Variants in CACNA2D4 observed in about 807,000 individuals in gnomAD.
CACNA2D4 encodes the protein calcium voltage-gated channel auxiliary subunit alpha2delta 4.
A neutral mutation model predicts 163.8 loss-of-function variants in CACNA2D4; 157 were observed. The observed-to-expected ratio is 0.96, with a 90% CI of 0.84 to 1.09. The LOEUF (loss-of-function observed/expected upper bound fraction) is 1.09. Ranked by LOEUF, CACNA2D4 falls within the 50% of genes least tolerant of loss-of-function variation. The pLI, the probability that CACNA2D4 is intolerant of heterozygous loss-of-function variation, is 0.00. For synonymous variants in CACNA2D4, 598 were observed against 586.9 expected, an observed-to-expected ratio of 1.02 and a Z score of -0.27; for missense variants, 1,410 against 1,479.9, an observed-to-expected ratio of 0.95 and a Z score of 0.78.
intron 18 of CACNA2D4, among the ~76,000 whole-genome samples, chr12:1,864,042 C>A (rs747983406): frequency 2.6e-5 from 4 of 152,254 alleles, no homozygotes; most frequent in African/African-American, 9.6e-5. Context: ...GGGCCCATCC[C>A]GTCCAAAGAC....
chr12:1,828,225 C>G lies in CACNA2D4; in HGVS notation c.2551+12514G>C, dbSNP rs369739030. ...TGGAGGCAAGTCTCCTGTGAGTACACCCCTGGCCTCGGAGGGGGGTGCGGG... is the reference window on the plus strand; with the variant it reads ...TGGAGGCAAGTCTCCTGTGAGTACAGCCCTGGCCTCGGAGGGGGGTGCGGG... On this transcript the variant is annotated intron_variant, in intron 26 of 37. Coordinates refer to ENST00000382722, the MANE Select transcript of CACNA2D4 (RefSeq NM_172364.5). This position sits in a 1 kb window ranked among gnomAD's most constrained non-coding sequence, Gnocchi z 4.2. The G allele has an allele frequency of 1.9e-4, 286 of 1,537,734 alleles. 3 individuals are homozygous for G. The East Asian group carries it at 6.7e-3, about 36-fold the overall frequency.
chr12:1,903,983 CA>C (rs2154451567), intron 6 of CACNA2D4, among the ~76,000 whole-genome samples: 1 of 152,084 alleles, frequency 6.6e-6, no homozygotes, highest in African/African-American at 2.4e-5. Context: ...TGTCCATCAA[CA>C]TTAGAAGAAT....
chr12:1,820,706 G>A lies in CACNA2D4; in HGVS notation c.2552-8983C>T, dbSNP rs1159199769. The A allele has an allele frequency of 2.0e-5, 3 of 152,488 alleles. No individual in the cohort carries two copies. Among genetic ancestry groups the A allele is most frequent in the Admixed American group, 2.0e-4 (3 of 15,314 alleles). The allele number at this position is 152,488 out of a possible 1,614,324, so 9.4% of individuals were successfully genotyped here. A position where few individuals can be genotyped will look rare whatever the true frequency, so the allele number is the denominator to read the frequency against. On this transcript the variant is annotated intron_variant, in intron 26 of 37. Transcript: ENST00000382722. The surrounding 1 kb of genome is among the most constrained non-coding windows in gnomAD (Gnocchi z 6.0). ...GGAGACTCTGGCACCAGTGCCCACT[G>A]CGCTCTGCCTGCCGGTGGTGTCTGG...
intron 26 of CACNA2D4, among the ~76,000 whole-genome samples, chr12:1,830,725 A>G (rs533120810): frequency 5.3e-5 from 8 of 152,344 alleles, no homozygotes; most frequent in Non-Finnish European, 8.8e-5. Context: ...GGCGCCCTGC[A>G]GACACTGTGT....
intron 7 of CACNA2D4, 39 bp downstream of exon 7, chr12:1,886,970 A>T: frequency 6.7e-7 from 1 of 1,497,782 alleles, no homozygotes; most frequent in Non-Finnish European, 9.2e-7. Flanking sequence ...CTATGAGATA[A>T]ATACCCGGGC....
At chr12:1,871,448 G>C (rs1288212801) in intron 18 of CACNA2D4, among the ~76,000 whole-genome samples, 1 of 147,186 alleles carries the variant, frequency 6.8e-6, no homozygotes, top group African/African-American at 2.5e-5. Flanking sequence ...CCTGTATGTT[G>C]CTGGTGTGTG....
chr12:1,881,196 A>G (rs1865987954), intron 13 of CACNA2D4, among the ~76,000 whole-genome samples: 1 of 152,220 alleles, frequency 6.6e-6, no homozygotes, highest in South Asian at 2.1e-4. Context: ...ACTGAGGGAC[A>G]GGTGTAAAAG....
chr12:1,792,607 G>A lies in CACNA2D4; in HGVS notation c.*1048C>T, dbSNP rs1863006488. Reference sequence around the variant, plus strand: ...GAGACTGTTGTCTCCTGGGATCCAGGTCTTGGGGTTTGGTCGGGGGAGGAA... The same window carrying A: ...GAGACTGTTGTCTCCTGGGATCCAGATCTTGGGGTTTGGTCGGGGGAGGAA... On this transcript the variant is annotated 3_prime_UTR_variant, in exon 38 of 38. Transcript: ENST00000382722. The A allele has an allele frequency of 6.6e-6, 1 of 152,154 alleles. No individual in the cohort carries two copies. Among genetic ancestry groups the A allele is most frequent in the Non-Finnish European group, 1.5e-5 (1 of 68,078 alleles). 9.4% of individuals were successfully genotyped at this position (152,154 alleles called of 1,614,324 possible).
At chr12:1,860,981 C>T (rs554900560) in intron 18 of CACNA2D4, among the ~76,000 whole-genome samples, 23 of 152,308 alleles carry the variant, frequency 1.5e-4, no homozygotes, top group African/African-American at 5.3e-4. Context: ...GGATTGTCCA[C>T]GGCCTCTCTT....
rs868439220 is a variant in CACNA2D4 at position 1,907,483 on chromosome 12, C to T, written c.738G>A (p.Trp246Ter). ...ENFQRDPTLTWQYFGSATGFF... is the reference protein window; with the variant it reads ...ENFQRDPTLT ...ATCCAGTTGCACTGCCAAAATATTG[C>T]CAGGTCAACGTTGGGTCTCTCTGGA... is the stretch of plus-strand genomic sequence containing the variant. The change falls in exon 6 of 38, where the codon TGG becomes TGA. Residue 246 changes from tryptophan (W) to a stop codon, truncating the protein, a stop_gained. Transcript: ENST00000382722. LOFTEE classifies it high-confidence loss of function. 6.2e-7 allele frequency: 1 copy of T among 1,613,832 alleles called. No individual in the cohort carries two copies. The highest frequency in any genetic ancestry group is 8.5e-7 in the Non-Finnish European group (1 of 1,179,782).
chr12:1,805,648 G>A (rs1402635584), intron 29 of CACNA2D4, among the ~76,000 whole-genome samples: 2 of 152,156 alleles, frequency 1.3e-5, no homozygotes, highest in Non-Finnish European at 2.9e-5. Context: ...TGGGGGTGGG[G>A]CAGCACTGCA....
intron 6 of CACNA2D4, among the ~76,000 whole-genome samples, chr12:1,890,605 C>T (rs887835471): frequency 6.6e-6 from 1 of 152,206 alleles, no homozygotes; most frequent in Non-Finnish European, 1.5e-5. Context: ...GCAACCTCAC[C>T]CTCCCCAATA....
chr12:1,900,978 A>G (rs1356803571), intron 6 of CACNA2D4, among the ~76,000 whole-genome samples: 2 of 152,242 alleles, frequency 1.3e-5, no homozygotes, highest in African/African-American at 4.8e-5. Context: ...CATTTCAAAA[A>G]AATTGAAATA....
chr12:1,819,426 G>A (rs1864006886), intron 26 of CACNA2D4, among the ~76,000 whole-genome samples: 1 of 152,166 alleles, frequency 6.6e-6, no homozygotes, highest in Non-Finnish European at 1.5e-5. Flanking sequence ...GGCATCCTGA[G>A]TCCAGGGGGT....
At chr12:1,860,282 T>C (rs1865495885) in intron 18 of CACNA2D4, 76 bp from the exon 19 acceptor site, 2 of 1,114,408 alleles carry the variant, frequency 1.8e-6, no homozygotes, top group Non-Finnish European at 2.7e-6. Flanking sequence ...CCCAGGGCTC[T>C]TGGGGTCTTC....
At chr12:1,816,295 C>T (rs112988552) in intron 26 of CACNA2D4, among the ~76,000 whole-genome samples, 90 of 152,348 alleles carry the variant, frequency 5.9e-4, no homozygotes, top group African/African-American at 1.8e-3. Context: ...GCAAAGCACT[C>T]GGCTTTTCCT....
chr12:1,816,296 G>T (rs574361870), intron 26 of CACNA2D4, among the ~76,000 whole-genome samples: 1 of 152,224 alleles, frequency 6.6e-6, no homozygotes, highest in Non-Finnish European at 1.5e-5. Flanking sequence ...CAAAGCACTC[G>T]GCTTTTCCTG....
intron 18 of CACNA2D4, among the ~76,000 whole-genome samples, chr12:1,866,242 CT>C (rs916864548): frequency 6.6e-6 from 1 of 152,104 alleles, no homozygotes; most frequent in African/African-American, 2.4e-5. Flanking sequence ...TCTATCTTTT[CT>C]TTTTTATTCT....
rs1592755115 is a variant in CACNA2D4 at position 1,915,085 on chromosome 12, A to G, written c.228-150T>C. 6 of 717,902 alleles carry G rather than the reference A, an allele frequency of 8.4e-6. No homozygotes were observed. The East Asian group carries it at 1.3e-4, about 16-fold the overall frequency. 44.5% of individuals were successfully genotyped at this position (717,902 alleles called of 1,614,324 possible). On this transcript the variant is annotated intron_variant, in intron 1 of 37. Transcript: ENST00000382722. Reference sequence around the variant, plus strand: ...CATGCATACTCCAACACACAGACACATAATGCATAAGAAATGCACACACAC... The same window carrying G: ...CATGCATACTCCAACACACAGACACGTAATGCATAAGAAATGCACACACAC...
Sources: gnomAD v4.1 joint callset for allele counts (sites outside exome capture counted in the v4.1 genomes callset) on GRCh38, gnomAD v4.1.1 for gene constraint, Gnocchi (gnomAD v3.1) non-coding constraint, MANE v1.5 for transcripts, NCBI Gene and HGNC (gene_info 2026-07-23, HGNC 2026-07-21) for gene names.